The following GSTCD variants were observed in gnomAD, a reference collection of about 807,000 sequenced individuals.
GSTCD encodes the protein glutathione S-transferase C-terminal domain containing, also known as glutathione S-transferase C-terminal domain-containing protein.
In GSTCD, 44 loss-of-function variants were observed where a neutral mutation model predicts 68.3. That is an observed-to-expected ratio of 0.64 (90% CI 0.51 to 0.83). The LOEUF (loss-of-function observed/expected upper bound fraction) is 0.83. Among genes scored for constraint, GSTCD ranks in the 40% least tolerant of loss-of-function variants. GSTCD has a pLI of 0.00. For missense variants in GSTCD, 739 were observed against 735.9 expected (o/e 1.00, Z -0.05); for synonymous variants, 273 against 255.2 (o/e 1.07, Z -0.67).
At chr4:105,730,017 T>G (rs1000930220) in intron 5 of GSTCD, among the ~76,000 whole-genome samples, 1 of 152,158 alleles carries the variant, frequency 6.6e-6, no homozygotes, top group Admixed American at 6.6e-5. Context: ...CTTGCGATAC[T>G]TTACTGAGGA....
intron 5 of GSTCD, among the ~76,000 whole-genome samples, chr4:105,769,020 T>C (rs1385071289): frequency 6.6e-6 from 1 of 151,916 alleles, no homozygotes; most frequent in Non-Finnish European, 1.5e-5. Context: ...AAAACAAGTA[T>C]AGAACAAAGA....
chr4:105,786,719 A>T (rs1735482422), intron 5 of GSTCD, among the ~76,000 whole-genome samples: 1 of 152,130 alleles, frequency 6.6e-6, no homozygotes, highest in Admixed American at 6.5e-5. Flanking sequence ...GATATGGGTA[A>T]ATACTAAGCA....
rs146761890 is a variant in GSTCD at position 105,736,156 on chromosome 4, A to C, written c.1240+6657A>C. On this transcript the variant is annotated intron_variant, in intron 5 of 11. Transcript: ENST00000515279. ...TTTATATTTTGTGTTTCTAATAGTTAATAGTTATTTTATATTTTGTACTTG... is the reference window on the plus strand; with the variant it reads ...TTTATATTTTGTGTTTCTAATAGTTCATAGTTATTTTATATTTTGTACTTG... Among the ~76,000 whole-genome samples the C allele has an allele frequency of 3.6e-3, 543 of 152,180 alleles. 5 individuals carry two copies. Among genetic ancestry groups the C allele is most frequent in the African/African-American group, 0.012 (510 of 41,554 alleles).
At chr4:105,794,624 G>C (rs1735798923) in intron 5 of GSTCD, among the ~76,000 whole-genome samples, 1 of 151,076 alleles carries the variant, frequency 6.6e-6, no homozygotes, top group Admixed American at 6.6e-5. Context: ...AATATTTTTG[G>C]TGTTTTTTTT....
chr4:105,779,624 C>A (rs1474254071), intron 5 of GSTCD, among the ~76,000 whole-genome samples: 1 of 152,120 alleles, frequency 6.6e-6, no homozygotes, highest in African/African-American at 2.4e-5. Flanking sequence ...TATAGAAAGA[C>A]ACTCTTTAGT....
At chr4:105,735,801 G>A (rs1011490596) in intron 5 of GSTCD, among the ~76,000 whole-genome samples, 5 of 151,702 alleles carry the variant, frequency 3.3e-5, no homozygotes, top group Admixed American at 2.0e-4. Flanking sequence ...GACTGAAGCT[G>A]TTCCTATTCG....
chr4:105,801,944 A>G (rs998453365), intron 5 of GSTCD, among the ~76,000 whole-genome samples: 4 of 152,138 alleles, frequency 2.6e-5, no homozygotes, highest in South Asian at 2.1e-4. Context: ...CTACTTTTCT[A>G]TTTACTAGCT....
chr4:105,757,195 A>T (rs533464829), intron 5 of GSTCD, among the ~76,000 whole-genome samples: 2 of 152,284 alleles, frequency 1.3e-5, no homozygotes, highest in African/African-American at 4.8e-5. Flanking sequence ...TATCTTAGAC[A>T]GGGGGAAGAA....
At chr4:105,771,338 T>C (rs1271735992) in intron 5 of GSTCD, among the ~76,000 whole-genome samples, 1 of 152,198 alleles carries the variant, frequency 6.6e-6, no homozygotes, top group African/African-American at 2.4e-5. Flanking sequence ...ACTCTGATGA[T>C]AGTTTCTTTT....
chr4:105,719,069 T>G lies in GSTCD; in HGVS notation c.436T>G (p.Trp146Gly), dbSNP rs201818127. The G allele has an allele frequency of 6.2e-7, 1 of 1,603,694 alleles. No individual in the cohort carries two copies. Among genetic ancestry groups the G allele is most frequent in the African/African-American group, 1.3e-5 (1 of 74,320 alleles). ...TGTTTTTGTTTTGTAGGTTAGTCAG[T>G]GGACCAGGCTATGTGAACTCACCAT... ...CLKACAEVSQ[W>G]TRLCELTIPL... The change falls in exon 3 of 12, where the codon TGG becomes GGG. Residue 146 changes from tryptophan to glycine, a missense_variant. By Grantham distance (184) the Trp-to-Gly change is radical. Transcript: ENST00000515279.
intron 5 of GSTCD, among the ~76,000 whole-genome samples, chr4:105,790,356 A>G (rs1410835877): frequency 6.6e-6 from 1 of 152,146 alleles, no homozygotes; most frequent in Non-Finnish European, 1.5e-5. Context: ...CATTAATATG[A>G]TTTAAAAATG....
chr4:105,823,412 T>C (rs1194704708), intron 7 of GSTCD, 137 bp downstream of exon 7: 3 of 581,636 alleles, frequency 5.2e-6, no homozygotes, highest in Non-Finnish European at 9.0e-6. Flanking sequence ...GTCTTTTCTT[T>C]GAAATAAACT....
intron 7 of GSTCD, chr4:105,823,786 T>C (rs948766080): frequency 3.9e-5 from 6 of 152,198 alleles, no homozygotes; most frequent in African/African-American, 1.4e-4. Flanking sequence ...ATGCTAATTG[T>C]TGCAAATTTT....
chr4:105,833,832 C>T (rs1387042314), intron 8 of GSTCD, among the ~76,000 whole-genome samples: 1 of 152,148 alleles, frequency 6.6e-6, no homozygotes, highest in Non-Finnish European at 1.5e-5. Context: ...AAGCCCCACT[C>T]AGTATTCTAA....
chr4:105,803,626 A>C (rs1348779250), intron 5 of GSTCD, among the ~76,000 whole-genome samples: 1 of 151,986 alleles, frequency 6.6e-6, no homozygotes, highest in East Asian at 1.9e-4. Flanking sequence ...AAAAATTGAA[A>C]TATCCCAAAT....
chr4:105,831,142 A>G (rs375330251), intron 8 of GSTCD, among the ~76,000 whole-genome samples: 1 of 152,332 alleles, frequency 6.6e-6, no homozygotes, highest in African/African-American at 2.4e-5. Context: ...CTGATTACCT[A>G]TAATATTGTT....
chr4:105,725,728 C>T (rs1405611039), intron 3 of GSTCD, among the ~76,000 whole-genome samples: 2 of 151,872 alleles, frequency 1.3e-5, no homozygotes, highest in African/African-American at 2.4e-5. Flanking sequence ...ATCATAAAAA[C>T]GTATAAGACA....
chr4:105,817,478 G>C (rs1723055679), intron 5 of GSTCD, among the ~76,000 whole-genome samples: 1 of 151,796 alleles, frequency 6.6e-6, no homozygotes, highest in African/African-American at 2.4e-5. Flanking sequence ...TGAACTGTGG[G>C]GTTTGTGAAT....
At chr4:105,834,898 CATAATGTCT>C (rs1724051570) in intron 9 of GSTCD, among the ~76,000 whole-genome samples, 1 of 152,168 alleles carries the variant, frequency 6.6e-6, no homozygotes, top group African/African-American at 2.4e-5. Flanking sequence ...TGTAACCGTA[CATAATGTCT>C]ATGAGAGGCA....
Sources: allele counts gnomAD v4.1 joint callset (sites outside exome capture counted in the v4.1 genomes callset), GRCh38; gene constraint gnomAD v4.1.1; transcripts MANE v1.5; gene names NCBI Gene and HGNC (gene_info 2026-07-23, HGNC 2026-07-21).